The following SLC29A4 variants were observed in gnomAD, a reference collection of about 807,000 sequenced individuals.
SLC29A4 encodes equilibrative nucleoside transporter 4.
In SLC29A4, 36 loss-of-function variants were observed where a neutral mutation model predicts 43.9. That is an observed-to-expected ratio of 0.82 (90% confidence interval 0.63 to 1.08). The LOEUF (loss-of-function observed/expected upper bound fraction) is 1.08. SLC29A4 is among the 50% of genes least tolerant of loss of function. SLC29A4 has a pLI of 0.00. For missense variants in SLC29A4, 869 were observed against 755.3 expected (o/e 1.15, Z -1.77); for synonymous variants, 491 against 338.0 (o/e 1.45, Z -4.97).
intron 10 of SLC29A4, 59 bp downstream of exon 10, chr7:5,300,721 G>A (rs1328609564): frequency 1.2e-5 from 19 of 1,577,828 alleles, no homozygotes; most frequent in African/African-American, 5.4e-5. Context: ...TGCCCCCCTC[G>A]CGAGGAAACC....
chr7:5,303,303 G>A lies in SLC29A4; in HGVS notation c.*364G>A, dbSNP rs977691056. On this transcript the variant is annotated 3_prime_UTR_variant, in exon 11 of 11. Coordinates refer to ENST00000396872, the MANE Select transcript of SLC29A4 (RefSeq NM_153247.4). ...ACAGCAGACACCCGCCAGAGTGTGCGCGCCCAGTGACTGCACCCCGGCCCT... is the reference window on the plus strand; with the variant it reads ...ACAGCAGACACCCGCCAGAGTGTGCACGCCCAGTGACTGCACCCCGGCCCT... 1.4e-4 allele frequency: 45 copies of A among 326,806 alleles called. No individual in the cohort carries two copies. The highest frequency in any genetic ancestry group is 1.9e-3 in the Middle Eastern group (2 of 1,068). 20.2% of individuals were successfully genotyped at this position (326,806 alleles called of 1,614,324 possible).
chr7:5,283,891 C>T (rs1431586939), intron 1 of SLC29A4, among the ~76,000 whole-genome samples: 4 of 152,200 alleles, frequency 2.6e-5, no homozygotes, highest in Non-Finnish European at 4.4e-5. Flanking sequence ...AGGAGCGCGG[C>T]CCCCGAGTGA....
chr7:5,291,113 G>T lies in SLC29A4; in HGVS notation c.302-11G>T. 1 of 1,613,090 alleles carries T rather than the reference G, an allele frequency of 6.2e-7. No homozygotes were observed. Among genetic ancestry groups the T allele is most frequent in the African/African-American group, 1.3e-5 (1 of 75,036 alleles). ...CCTCCCTGAGCACCTGCTGTCTCTG[G>T]CCCTCTGCAGGGACCTCCATCGTGT... On this transcript the variant is annotated splice_polypyrimidine_tract_variant and intron_variant, in intron 3 of 10. Coordinates refer to ENST00000396872, the MANE Select transcript of SLC29A4 (RefSeq NM_153247.4).
chr7:5,287,417 GAAAAAAAAAAAA>G (rs199755250), intron 1 of SLC29A4, among the ~76,000 whole-genome samples: 1 of 121,492 alleles, frequency 8.2e-6, no homozygotes, highest in Non-Finnish European at 1.8e-5. Context: ...GACCCTGTCT[GAAAAAAAAAAAA>G]AAAGAAAAAA....
intron 5 of SLC29A4, among the ~76,000 whole-genome samples, chr7:5,293,429 C>G (rs1329483933): frequency 2.6e-5 from 4 of 152,134 alleles, no homozygotes; most frequent in Non-Finnish European, 4.4e-5. Flanking sequence ...CTCAGCCTCC[C>G]AAAGTGCTAG....
Position 5,304,758 on chromosome 7 carries a change from C to T in SLC29A4, c.*1819C>T, listed in dbSNP as rs929969482. 2.0e-5 allele frequency: 3 copies of T among 152,356 alleles called. No homozygotes were observed. Among genetic ancestry groups the T allele is most frequent in the Admixed American group, 6.5e-5 (1 of 15,298 alleles). The allele number at this position is 152,356 out of a possible 1,614,324, so 9.4% of individuals were successfully genotyped here. On this transcript the variant is annotated 3_prime_UTR_variant, in exon 11 of 11. Coordinates refer to ENST00000396872, the MANE Select transcript of SLC29A4 (RefSeq NM_153247.4). Reference sequence around the variant, plus strand: ...ATCTCAAGTGATCCATCTGTCTCATCCTCCCAAAGTGTTGGGATTACAGGT... The same window carrying T: ...ATCTCAAGTGATCCATCTGTCTCATTCTCCCAAAGTGTTGGGATTACAGGT...
At chr7:5,295,747 C>T (rs1785605564) in intron 6 of SLC29A4, among the ~76,000 whole-genome samples, 1 of 91,480 alleles carries the variant, frequency 1.1e-5, no homozygotes, top group Non-Finnish European at 2.6e-5. Flanking sequence ...TGAGGTCCAC[C>T]AGATGCCCCA....
At chr7:5,297,250 C>G (rs1408471301) in intron 7 of SLC29A4, 52 bp downstream of exon 7, 1 of 1,479,686 alleles carries the variant, frequency 6.8e-7, no homozygotes, top group Non-Finnish European at 8.9e-7. Flanking sequence ...TTCTCTGTCC[C>G]CACCGCTTCG....
rs780157919 is a variant in SLC29A4, at chr7:5,291,251, C to T, written c.415+14C>T. On this transcript the variant is annotated intron_variant, in intron 4 of 10. Coordinates refer to ENST00000396872, the MANE Select transcript of SLC29A4 (RefSeq NM_153247.4). ...GGATCACCGCAGGTGCGCTGGGCCC[C>T]GCCACGGGACACCTGCCTGTCATGG... 49 of 1,605,994 alleles carry T rather than the reference C, an allele frequency of 3.1e-5. No individual in the cohort carries two copies. The highest frequency in any genetic ancestry group is 2.8e-4 in the South Asian group (25 of 90,598).
chr7:5,289,697 T>TC (rs561055634), intron 2 of SLC29A4, among the ~76,000 whole-genome samples: 1 of 151,638 alleles, frequency 6.6e-6, no homozygotes, highest in South Asian at 2.1e-4. Flanking sequence ...ACCATCACGG[T>TC]CCCCCCCTTG....
intron 2 of SLC29A4, among the ~76,000 whole-genome samples, chr7:5,289,709 C>T (rs553724074): frequency 7.2e-5 from 11 of 152,136 alleles, no homozygotes; most frequent in South Asian, 4.2e-4. Context: ...CCCCCCTTGC[C>T]GGTGTGGCTC....
At chr7:5,285,825 A>C (rs1414285696) in intron 1 of SLC29A4, among the ~76,000 whole-genome samples, 1 of 152,152 alleles carries the variant, frequency 6.6e-6, no homozygotes, top group African/African-American at 2.4e-5. Flanking sequence ...CACTATGGGC[A>C]ACACAGTGAG....
intron 7 of SLC29A4, among the ~76,000 whole-genome samples, chr7:5,298,664 A>G (rs1369991865): frequency 2.0e-5 from 3 of 152,072 alleles, no homozygotes; most frequent in Non-Finnish European, 4.4e-5. Flanking sequence ...GGCCTGGGTG[A>G]TGGCGCATGG....
At chr7:5,288,768 C>T (rs1785121824) in intron 2 of SLC29A4, among the ~76,000 whole-genome samples, 2 of 152,116 alleles carry the variant, frequency 1.3e-5, no homozygotes, top group Non-Finnish European at 1.5e-5. Context: ...AGGGCCTAAA[C>T]CTCTCTGAGC....
rs769777052 is a variant in SLC29A4, at chr7:5,290,832, G to A, written c.270G>A (p.Thr90=). The A allele has an allele frequency of 5.1e-5, 82 of 1,613,502 alleles. No homozygotes were observed. Among genetic ancestry groups the A allele is most frequent in the South Asian group, 3.3e-5 (3 of 91,064 alleles). The stretch of plus-strand genomic sequence containing the variant: ...TGCTGCCATACAACAGCTTCATCAC[G>A]GACGTGGACTACCTGCATCACAAGT... ...GFLLPYNSFI[T]DVDYLHHKYP... Residue 90 remains threonine (T), a synonymous_variant, in exon 3 of 11, where the codon ACG becomes ACA. Coordinates refer to ENST00000396872, the MANE Select transcript of SLC29A4 (RefSeq NM_153247.4).
intron 2 of SLC29A4, 95 bp from the exon 3 acceptor site, chr7:5,290,637 T>C: frequency 6.7e-7 from 1 of 1,493,752 alleles, no homozygotes. Flanking sequence ...ACAGTGGCTA[T>C]GGTGATGGCG....
intron 3 of SLC29A4, 85 bp from the exon 4 acceptor site, chr7:5,291,039 G>A: frequency 7.7e-6 from 12 of 1,554,878 alleles, no homozygotes; most frequent in Non-Finnish European, 1.1e-5. Flanking sequence ...TGGGCAGCGA[G>A]CCCCTTCTGG....
At chr7:5,301,819 T>C (rs1278074219) in intron 10 of SLC29A4, among the ~76,000 whole-genome samples, 1 of 152,112 alleles carries the variant, frequency 6.6e-6, no homozygotes, top group East Asian at 1.9e-4. Context: ...AGGCTGGCAC[T>C]GGCACAGACT....
chr7:5,302,944 G>T lies in SLC29A4; in HGVS notation c.*5G>T. Reference sequence around the variant, plus strand: ...TCCATCCTCGCAGGCCTCTGAGCCAGCCCCGCCCACTGCCAGGGACGCCGA... The same window carrying T: ...TCCATCCTCGCAGGCCTCTGAGCCATCCCCGCCCACTGCCAGGGACGCCGA... On this transcript the variant is annotated 3_prime_UTR_variant, in exon 11 of 11. Transcript: ENST00000396872. 1.2e-6 allele frequency: 2 copies of T among 1,604,470 alleles called. No individual in the cohort carries two copies. Among genetic ancestry groups the T allele is most frequent in the East Asian group, 4.5e-5 (2 of 44,610 alleles).
Sources: allele counts gnomAD v4.1 joint callset (sites outside exome capture counted in the v4.1 genomes callset), GRCh38; gene constraint gnomAD v4.1.1; transcripts MANE v1.5; gene names NCBI Gene and HGNC (gene_info 2026-07-23, HGNC 2026-07-21).